The following ZC3H12B variants were observed in gnomAD, a reference collection of about 807,000 sequenced individuals.
ZC3H12B encodes zinc finger CCCH-type containing 12B.
In ZC3H12B, 7 loss-of-function variants were observed where a neutral mutation model predicts 43.9. The observed-to-expected ratio is 0.16, with a 90% CI of 0.09 to 0.30. ZC3H12B has a LOEUF of 0.30. Among genes scored for constraint, ZC3H12B ranks in the 10% least tolerant of loss-of-function variants. The probability of loss-of-function intolerance (pLI) is 1.00; values close to 1 mark genes in which losing one functional copy is unlikely to be tolerated. For missense variants in ZC3H12B, 475 were observed against 670.2 expected (o/e 0.71, Z 3.22); for synonymous variants, 222 against 241.7 (o/e 0.92, Z 0.76).
At chrX:65,147,524 T>C in the ZC3H12B span, among the ~76,000 whole-genome samples, 1 of 110,396 alleles carries the variant, frequency 9.1e-6, no homozygotes, top group Non-Finnish European at 1.9e-5. Flanking sequence ...TGAGCATGAG[T>C]CTGCAAAAAT....
the ZC3H12B span, among the ~76,000 whole-genome samples, chrX:65,180,300 A>G: frequency 1.8e-5 from 2 of 112,109 alleles, no homozygotes; most frequent in African/African-American, 6.5e-5. Flanking sequence ...GATAAATTTC[A>G]ACATCTCTTT....
the ZC3H12B span, among the ~76,000 whole-genome samples, chrX:65,040,579 G>A: frequency 9.1e-6 from 1 of 110,021 alleles, no homozygotes; most frequent in African/African-American, 3.3e-5. Context: ...GTGAAGTTTT[G>A]AATTTTAGAT....
upstream of ZC3H12B, among the ~76,000 whole-genome samples, chrX:65,362,130 G>A (rs145557636): frequency 9.9e-3 from 1,113 of 111,892 alleles, 14 homozygotes; most frequent in African/African-American, 0.034. Context: ...CTGGAACTCT[G>A]GCCCAAGGCT....
the ZC3H12B span, among the ~76,000 whole-genome samples, chrX:65,222,975 A>C: frequency 8.9e-6 from 1 of 111,851 alleles, no homozygotes; most frequent in Admixed American, 9.5e-5. Context: ...ACATTACCTG[A>C]CTTCAAACTA....
At chrX:65,124,678 G>C in the ZC3H12B span, among the ~76,000 whole-genome samples, 1 of 110,205 alleles carries the variant, frequency 9.1e-6, no homozygotes, top group South Asian at 3.8e-4. Context: ...TTATTGGCTT[G>C]TTTAGAGATT....
At chrX:65,239,388 G>A in the ZC3H12B span, among the ~76,000 whole-genome samples, 44 of 109,274 alleles carry the variant, frequency 4.0e-4, no homozygotes, top group Non-Finnish European at 7.6e-5. Flanking sequence ...AACTAGGATT[G>A]CAACACCTGC....
At chrX:65,166,209 G>C in the ZC3H12B span, among the ~76,000 whole-genome samples, 1 of 108,834 alleles carries the variant, frequency 9.2e-6, no homozygotes, top group Non-Finnish European at 1.9e-5. Flanking sequence ...CCCACCCCAC[G>C]ACAGGCCCCA....
At chrX:65,413,392 CCT>C (rs753508790) in intron 3 of ZC3H12B, among the ~76,000 whole-genome samples, 8 of 111,216 alleles carry the variant, frequency 7.2e-5, no homozygotes, top group African/African-American at 2.0e-4. Flanking sequence ...AAATTTTACC[CCT>C]GTTTTCTTCT....
At chrX:65,145,521 C>T in the ZC3H12B span, among the ~76,000 whole-genome samples, 1 of 111,302 alleles carries the variant, frequency 9.0e-6, no homozygotes, top group Admixed American at 9.6e-5. Context: ...CTATTTGCTG[C>T]CTGTATACCT....
the ZC3H12B span, among the ~76,000 whole-genome samples, chrX:65,101,150 G>A: frequency 8.9e-6 from 1 of 111,803 alleles, no homozygotes; most frequent in South Asian, 3.7e-4. Flanking sequence ...TGACTACTGG[G>A]CACATAATGA....
At chrX:65,155,001 G>A in the ZC3H12B span, among the ~76,000 whole-genome samples, 2 of 107,671 alleles carry the variant, frequency 1.9e-5, no homozygotes, top group Non-Finnish European at 3.8e-5. Flanking sequence ...TTGCTCCCAG[G>A]TGGGAGTACA....
chrX:65,214,150 T>C, the ZC3H12B span, among the ~76,000 whole-genome samples: 1 of 111,416 alleles, frequency 9.0e-6, no homozygotes, highest in African/African-American at 3.3e-5. Flanking sequence ...GGGTCCATCC[T>C]CAGTGTTAAT....
At chrX:65,137,556 A>G in the ZC3H12B span, among the ~76,000 whole-genome samples, 1 of 112,294 alleles carries the variant, frequency 8.9e-6, no homozygotes, top group Non-Finnish European at 1.9e-5. Flanking sequence ...AGATAATTTA[A>G]TTTTATATCA....
chrX:65,350,381 G>A, the ZC3H12B span, among the ~76,000 whole-genome samples: 1 of 111,287 alleles, frequency 9.0e-6, no homozygotes, highest in Non-Finnish European at 1.9e-5. Flanking sequence ...CAGCTAATGG[G>A]CAAAAACTGG....
the ZC3H12B span, among the ~76,000 whole-genome samples, chrX:65,340,248 T>C: frequency 8.9e-6 from 1 of 112,196 alleles, no homozygotes; most frequent in Admixed American, 9.4e-5. Context: ...CAGTTGCCAG[T>C]GGGGGCATCC....
At chrX:65,361,616 A>C in the ZC3H12B span, among the ~76,000 whole-genome samples, 3 of 111,338 alleles carry the variant, frequency 2.7e-5, no homozygotes, top group Admixed American at 1.9e-4. Flanking sequence ...CTTTTTCATC[A>C]AATATAAAAA....
chrX:65,402,633 A>C (rs373402194), intron 3 of ZC3H12B, among the ~76,000 whole-genome samples: 3 of 111,451 alleles, frequency 2.7e-5, no homozygotes, highest in African/African-American at 9.8e-5. Flanking sequence ...AGAGAACGAG[A>C]CTCTATATGT....
the ZC3H12B span, among the ~76,000 whole-genome samples, chrX:65,248,827 C>G: frequency 9.0e-6 from 1 of 111,671 alleles, no homozygotes; most frequent in South Asian, 3.8e-4. Flanking sequence ...TTTCCCTGAT[C>G]ATTAGTGATG....
At chrX:65,110,967 G>A in the ZC3H12B span, among the ~76,000 whole-genome samples, 2 of 111,063 alleles carry the variant, frequency 1.8e-5, no homozygotes, top group African/African-American at 6.5e-5. Flanking sequence ...TTATACCTAA[G>A]TATTTCAGCC....
Sources: allele counts gnomAD v4.1 joint callset (sites outside exome capture counted in the v4.1 genomes callset), GRCh38; gene constraint gnomAD v4.1.1; transcripts MANE v1.5; gene names NCBI Gene and HGNC (gene_info 2026-07-23, HGNC 2026-07-21).